PCYOX1: variants seen among roughly 807,000 people sequenced by gnomAD.
PCYOX1 encodes prenylcysteine lyase.
In PCYOX1, 46 loss-of-function variants were observed where a neutral mutation model predicts 46.4. That is an observed-to-expected ratio of 0.99 (90% confidence interval 0.78 to 1.27). PCYOX1 has a LOEUF of 1.27. Among genes scored for constraint, PCYOX1 ranks in the 50% most tolerant of loss-of-function variants. The pLI is 0.00. For synonymous variants in PCYOX1, 220 were observed against 231.8 expected, an observed-to-expected ratio of 0.95 and a Z score of 0.46; for missense variants, 658 against 628.3, an observed-to-expected ratio of 1.05 and a Z score of -0.51.
rs188026234 is a variant in PCYOX1 at position 70,265,238 on chromosome 2, C to T, written c.494+3852C>T. On this transcript the variant is annotated intron_variant, in intron 3 of 5. Coordinates refer to ENST00000433351, the MANE Select transcript of PCYOX1 (RefSeq NM_016297.4). The stretch of plus-strand genomic sequence containing the variant: ...TTTTTTTTGAGACCAAGTCTTGCTC[C>T]GTCACCCAGGCTGGAGTACGGTGGT... 2.9e-3 allele frequency among the ~76,000 whole-genome samples: 428 copies of T among 146,584 alleles called. 7 individuals carry two copies. The highest frequency in any genetic ancestry group is 0.023 in the South Asian group (108 of 4,652).
At chr2:70,276,674 T>C in intron 5 of PCYOX1, 60 bp from the exon 6 acceptor site, 1 of 925,762 alleles carries the variant, frequency 1.1e-6, no homozygotes, top group South Asian at 1.7e-5. Flanking sequence ...AGGTATACAA[T>C]TATTTTTAGA....
intron 3 of PCYOX1, among the ~76,000 whole-genome samples, chr2:70,274,177 C>G (rs952419791): frequency 2.7e-5 from 4 of 148,838 alleles, no homozygotes; most frequent in Non-Finnish European, 5.9e-5. Flanking sequence ...GGCCTTTAGA[C>G]AAAGTATTTT....
Position 70,259,520 on chromosome 2 carries a change from C to T in PCYOX1, c.273C>T (p.Val91=). Reference sequence around the variant, plus strand: ...AAGAATACGAGGCAGGAGGTTCTGTCATCCATCCTTTAAATCTGCACATGA... The same window carrying T: ...AAGAATACGAGGCAGGAGGTTCTGTTATCCATCCTTTAAATCTGCACATGA... ...QGQEYEAGGS[V]IHPLNLHMKR... Residue 91 remains valine (V), a synonymous_variant, in exon 2 of 6, where the codon GTC becomes GTT. Transcript: ENST00000433351. 3 of 1,614,070 alleles carry T rather than the reference C, an allele frequency of 1.9e-6. No homozygotes were observed. The highest frequency in any genetic ancestry group is 2.5e-6 in the Non-Finnish European group (3 of 1,180,002).
intron 4 of PCYOX1, 38 bp from the exon 5 acceptor site, chr2:70,275,476 A>G (rs1293306945): frequency 6.2e-7 from 1 of 1,604,338 alleles, no homozygotes; most frequent in Admixed American, 1.7e-5. Flanking sequence ...CTCTTACAAA[A>G]AGTCAGAATT....
chr2:70,262,084 G>T (rs1381997419), intron 3 of PCYOX1, among the ~76,000 whole-genome samples: 1 of 152,140 alleles, frequency 6.6e-6, no homozygotes, highest in African/African-American at 2.4e-5. Flanking sequence ...TAATCAGGAA[G>T]ACTAACATAA....
Position 70,279,435 on chromosome 2 carries a change from T to A in PCYOX1, c.*2043T>A, listed in dbSNP as rs1451601276. The A allele has an allele frequency of 6.6e-6, 1 of 152,382 alleles. No individual in the cohort carries two copies. The highest frequency in any genetic ancestry group is 3.4e-3 in the Middle Eastern group (1 of 294). The allele number at this position is 152,382 out of a possible 1,614,324, so 9.4% of individuals were successfully genotyped here. ...GTTGGTAAATACTAATTAATTTCCA[T>A]CATTTGTAGACTTGTTTTGCAATGG... On this transcript the variant is annotated 3_prime_UTR_variant, in exon 6 of 6. Transcript: ENST00000433351.
chr2:70,260,794 C>T (rs895961596), intron 2 of PCYOX1, among the ~76,000 whole-genome samples: 2 of 152,208 alleles, frequency 1.3e-5, no homozygotes, highest in Admixed American at 1.3e-4. Context: ...CTGCCTTCCA[C>T]ATCCTCTGTA....
intron 3 of PCYOX1, among the ~76,000 whole-genome samples, chr2:70,271,514 A>G (rs1696600516): frequency 6.6e-6 from 1 of 152,186 alleles, no homozygotes; most frequent in South Asian, 2.1e-4. Flanking sequence ...TGAATTCTCC[A>G]TTAATGGAAA....
At chr2:70,273,654 C>A (rs1696631197) in intron 3 of PCYOX1, among the ~76,000 whole-genome samples, 1 of 152,146 alleles carries the variant, frequency 6.6e-6, no homozygotes, top group Non-Finnish European at 1.5e-5. Context: ...AAGAGATAAA[C>A]CCCGTATTAC....
intron 3 of PCYOX1, among the ~76,000 whole-genome samples, chr2:70,268,601 C>T (rs1696560231): frequency 2.0e-5 from 3 of 152,032 alleles, no homozygotes; most frequent in Non-Finnish European, 2.9e-5. Flanking sequence ...AGTTCGAGAC[C>T]AGCCTGACCA....
In PCYOX1 at chr2:70,277,763, C is replaced by G. The variant is rs12478582; in HGVS notation, c.*371C>G. 4,636 of 169,126 alleles carry G rather than the reference C, an allele frequency of 0.027. 415 individuals carry two copies. The highest frequency in any genetic ancestry group is 0.18 in the Admixed American group (2,968 of 16,918). The allele number at this position is 169,126 out of a possible 1,614,324, so 10.5% of individuals were successfully genotyped here. On this transcript the variant is annotated 3_prime_UTR_variant, in exon 6 of 6. Coordinates refer to ENST00000433351, the MANE Select transcript of PCYOX1 (RefSeq NM_016297.4). ...TCTCAAAAGTAAATAAAAATAATCA[C>G]CTGGAGTTTGTTAAACCATATGGAT... is the stretch of plus-strand genomic sequence containing the variant.
intron 3 of PCYOX1, among the ~76,000 whole-genome samples, chr2:70,273,074 C>T (rs1036786707): frequency 6.6e-6 from 1 of 152,178 alleles, no homozygotes. Flanking sequence ...TATATAGTTT[C>T]ATCTCACCGC....
At chr2:70,266,672 C>T (rs914994508) in intron 3 of PCYOX1, among the ~76,000 whole-genome samples, 3 of 151,986 alleles carry the variant, frequency 2.0e-5, no homozygotes, top group Non-Finnish European at 2.9e-5. Context: ...TGACTCTTAA[C>T]GAGTATGCTG....
chr2:70,263,326 C>A (rs1696467009), intron 3 of PCYOX1, among the ~76,000 whole-genome samples: 1 of 151,978 alleles, frequency 6.6e-6, no homozygotes, highest in Non-Finnish European at 1.5e-5. Context: ...ATTCTTAGGT[C>A]AGTTCCTTAA....
chr2:70,260,114 C>T (rs1696415858), intron 2 of PCYOX1, among the ~76,000 whole-genome samples: 1 of 152,186 alleles, frequency 6.6e-6, no homozygotes, highest in Admixed American at 6.5e-5. Flanking sequence ...CGTGCCCGGC[C>T]TCTGTTGTCT....
rs765454667 is a variant in PCYOX1, at chr2:70,261,271, G to A, written c.379G>A (p.Val127Ile). 1.2e-6 allele frequency: 2 copies of A among 1,611,036 alleles called. No individual in the cohort carries two copies. The highest frequency in any genetic ancestry group is 4.5e-5 in the East Asian group (2 of 44,874). ...GGGGATATATAATGGAGAGACTCTG[G>A]TATTTGAGGAGAGCAACTGGTTCAT... is the stretch of plus-strand genomic sequence containing the variant. ...LLGIYNGETL[V>I]FEESNWFIIN... Residue 127 changes from valine (V) to isoleucine (I), a missense_variant, in exon 3 of 6, where the codon GTA becomes ATA. By Grantham distance (29) the Val-to-Ile change is conservative. Coordinates refer to ENST00000433351, the MANE Select transcript of PCYOX1 (RefSeq NM_016297.4).
intron 3 of PCYOX1, among the ~76,000 whole-genome samples, chr2:70,271,654 T>C (rs566767808): frequency 0.019 from 2,920 of 152,084 alleles, 40 homozygotes; most frequent in African/African-American, 0.067. Flanking sequence ...CAAATTGCTT[T>C]GTACTCACCT....
rs902362073 is a variant in PCYOX1 at position 70,280,191 on chromosome 2, A to G, written c.*2799A>G. The G allele has an allele frequency of 6.6e-6, 1 of 152,226 alleles. No homozygotes were observed. The highest frequency in any genetic ancestry group is 2.1e-4 in the South Asian group (1 of 4,830). 9.4% of individuals were successfully genotyped at this position (152,226 alleles called of 1,614,324 possible). A position where few individuals can be genotyped will look rare whatever the true frequency, so the allele number is the denominator to read the frequency against. On this transcript the variant is annotated 3_prime_UTR_variant, in exon 6 of 6. Coordinates refer to ENST00000433351, the MANE Select transcript of PCYOX1 (RefSeq NM_016297.4). ...TTGGCAAAAGCAAAACAGGTTATCAATACACCAAGGACATCAAGTAGTTTT... is the reference window on the plus strand; with the variant it reads ...TTGGCAAAAGCAAAACAGGTTATCAGTACACCAAGGACATCAAGTAGTTTT...
intron 5 of PCYOX1, 51 bp downstream of exon 5, chr2:70,275,717 C>T: frequency 2.6e-6 from 4 of 1,510,906 alleles, no homozygotes; most frequent in South Asian, 1.1e-5. Flanking sequence ...AAAATGATTG[C>T]TCAGGGAGAA....
Sources: gnomAD v4.1 joint callset for allele counts (sites outside exome capture counted in the v4.1 genomes callset) on GRCh38, gnomAD v4.1.1 for gene constraint, MANE v1.5 for transcripts, NCBI Gene and HGNC (gene_info 2026-07-23, HGNC 2026-07-21) for gene names.